Variants in TRIOBP observed in about 807,000 individuals in gnomAD.
TRIOBP encodes TRIO and F-actin-binding protein.
A neutral mutation model predicts 238.8 loss-of-function variants in TRIOBP; 169 were observed. The observed-to-expected ratio is 0.71, with a 90% CI of 0.62 to 0.80. The LOEUF is 0.80. TRIOBP is among the 30% of genes least tolerant of loss of function. The probability of loss-of-function intolerance (pLI) is 0.00; values close to 1 mark genes in which losing one functional copy is unlikely to be tolerated. For synonymous variants in TRIOBP, 1,150 were observed against 1,274.4 expected (o/e 0.90, Z 2.08); for missense variants, 2,838 against 3,122.6 (o/e 0.91, Z 2.17).
intron 18 of TRIOBP, 120 bp downstream of exon 18, chr22:37,765,937 G>C (rs1257162489): frequency 3.0e-6 from 4 of 1,327,788 alleles, no homozygotes; most frequent in Non-Finnish European, 4.0e-6. Flanking sequence ...GCCACATTTG[G>C]GGTAAAGGGT....
Position 37,735,348 on chromosome 22 carries a change from G to C in TRIOBP, c.5012G>C (p.Arg1671Thr). 6.2e-7 allele frequency: 1 copy of C among 1,613,152 alleles called. No homozygotes were observed. Among genetic ancestry groups the C allele is most frequent in the South Asian group, 1.1e-5 (1 of 91,068 alleles). The stretch of plus-strand genomic sequence containing the variant: ...CAGTGGCCAAAGATCAAAGTGACAA[G>C]AGGACCAGCGACCGCAACTCTGGCA... ...STQWPKIKVT[R>T]GPATATLAGL... Residue 1671 changes from arginine (R) to threonine (T), a missense_variant, in exon 9 of 24, where the codon AGA (arginine) becomes ACA (threonine). Arg to Thr is a moderately conservative substitution (Grantham distance 71). Transcript: ENST00000644935.
chr22:37,765,118 TA>T (rs1258327019), intron 17 of TRIOBP, among the ~76,000 whole-genome samples: 1 of 152,020 alleles, frequency 6.6e-6, no homozygotes, highest in East Asian at 1.9e-4. Flanking sequence ...CCATCTCTAC[TA>T]AAAATACAAA....
intron 9 of TRIOBP, among the ~76,000 whole-genome samples, chr22:37,737,522 G>A (rs13057056): frequency 2.6e-4 from 40 of 152,062 alleles, no homozygotes; most frequent in Non-Finnish European, 4.0e-4. Context: ...TTAGCCGGGC[G>A]TGGTGGCGGG....
chr22:37,758,281 C>A, intron 16 of TRIOBP, 143 bp downstream of exon 16: 2 of 1,099,480 alleles, frequency 1.8e-6, no homozygotes, highest in Non-Finnish European at 2.6e-6. Context: ...ACCCCACACT[C>A]CTGCGAACTA....
chr22:37,746,443 C>G, intron 11 of TRIOBP: 1 of 1,422,802 alleles, frequency 7.0e-7, no homozygotes, highest in African/African-American at 1.5e-5. Context: ...GTCAGCCGCC[C>G]GCGCCCGAGG....
intron 7 of TRIOBP, among the ~76,000 whole-genome samples, chr22:37,732,429 G>C (rs1218937034): frequency 1.4e-5 from 2 of 142,738 alleles, no homozygotes; most frequent in Non-Finnish European, 3.0e-5. Flanking sequence ...AGAATCACTT[G>C]AACCCGGGAG....
At chr22:37,756,500 A>G (rs1444547202) in intron 15 of TRIOBP, among the ~76,000 whole-genome samples, 1 of 152,246 alleles carries the variant, frequency 6.6e-6, no homozygotes, top group African/African-American at 2.4e-5. Context: ...GGATGTGCCC[A>G]GAGCACTTTG....
At chr22:37,709,914 A>G (rs1055147332) in intron 3 of TRIOBP, among the ~76,000 whole-genome samples, 6 of 152,264 alleles carry the variant, frequency 3.9e-5, no homozygotes, top group East Asian at 1.9e-4. Context: ...CTCTACCATC[A>G]AACTGCCTCT....
In TRIOBP at chr22:37,723,708, G is replaced by T. The variant is rs531468789; in HGVS notation, c.1152G>T (p.Gln384His). 6.2e-7 allele frequency: 1 copy of T among 1,611,868 alleles called. No homozygotes were observed. The highest frequency in any genetic ancestry group is 2.2e-5 in the East Asian group (1 of 44,720). Residue 384 changes from glutamine to histidine, a missense_variant, in exon 7 of 24, where the codon CAG (glutamine) becomes CAT (histidine). By Grantham distance (24) the Gln-to-His change is conservative. Around this residue, in one of 5 missense-constraint regions of TRIOBP, gnomAD observed 535 missense variants for 537.3 expected, o/e 1.00. Coordinates refer to ENST00000644935, the MANE Select transcript of TRIOBP (RefSeq NM_001039141.3). Reference protein sequence around the residue: ...QRENPRTPCVQQDDPRASSPN... With the variant: ...QRENPRTPCVHQDDPRASSPN... Reference sequence around the variant, plus strand: ...AAAACCCCAGGACACCCTGTGTCCAGCAGGACGATCCCAGAGCCTCCTCTC... The same window carrying T: ...AAAACCCCAGGACACCCTGTGTCCATCAGGACGATCCCAGAGCCTCCTCTC...
chr22:37,723,046 C>G (rs1182812743), intron 6 of TRIOBP, 139 bp from the exon 7 acceptor site: 1 of 804,582 alleles, frequency 1.2e-6, no homozygotes, highest in South Asian at 1.7e-5. Context: ...GGTGGAGTCA[C>G]TTGGTACAGA....
chr22:37,701,239 TG>T, intron 2 of TRIOBP, 66 bp from the exon 3 acceptor site: 1 of 733,340 alleles, frequency 1.4e-6, no homozygotes, highest in Non-Finnish European at 2.4e-6. Flanking sequence ...CTGGGGCAAC[TG>T]GGGCTGGGGT....
At chr22:37,699,258 C>T (rs1041725641) in intron 2 of TRIOBP, among the ~76,000 whole-genome samples, 2 of 151,992 alleles carry the variant, frequency 1.3e-5, no homozygotes, top group Admixed American at 1.3e-4. Context: ...TCAAAGACGT[C>T]GTCCTCAACT....
intron 11 of TRIOBP, among the ~76,000 whole-genome samples, chr22:37,744,116 C>T (rs1372784618): frequency 1.3e-5 from 2 of 150,592 alleles, no homozygotes; most frequent in Non-Finnish European, 2.9e-5. Context: ...TCCAGCGATT[C>T]TCCTGCCTCA....
chr22:37,738,085 G>C (rs113218477), intron 9 of TRIOBP, among the ~76,000 whole-genome samples: 205 of 152,318 alleles, frequency 1.3e-3, no homozygotes, highest in African/African-American at 4.5e-3. Flanking sequence ...AGGACACAGG[G>C]GTCAGTGGGT....
chr22:37,713,089 C>A, intron 4 of TRIOBP, 121 bp from the exon 5 acceptor site: 1 of 843,168 alleles, frequency 1.2e-6, no homozygotes, highest in Non-Finnish European at 1.8e-6. Context: ...TCACCATTGG[C>A]TCCCTTTCCC....
At chr22:37,743,206 T>G (rs984219558) in intron 11 of TRIOBP, among the ~76,000 whole-genome samples, 3 of 152,212 alleles carry the variant, frequency 2.0e-5, no homozygotes, top group African/African-American at 7.2e-5. Context: ...CAGCAGGGCC[T>G]CCCAGTTACA....
rs999446484 is a variant in TRIOBP at position 37,774,844 on chromosome 22, TGA to T, written c.*1072_*1073del. On this transcript the variant is annotated 3_prime_UTR_variant, in exon 24 of 24. Coordinates refer to ENST00000644935, the MANE Select transcript of TRIOBP (RefSeq NM_001039141.3). ...TGGAGTAGGGCCCAGGGCCCAGGCC[TGA>T]GAGAGAGGCCTGGGGCTAAGACTAG... The T allele has an allele frequency of 3.3e-5, 5 of 152,220 alleles. No homozygotes were observed. The highest frequency in any genetic ancestry group is 7.3e-5 in the Non-Finnish European group (5 of 68,044). The allele number at this position is 152,220 out of a possible 1,614,324, so 9.4% of individuals were successfully genotyped here.
At position 37,743,524 on chromosome 22, in the gene TRIOBP, G is replaced by A. The variant is rs1925044268; in HGVS notation, c.5322+2492G>A. ...TTCGAGCCGTGCTTACGGAGGATGTGCTGTGGGCTTAGGCCCTAGGCTGGT... is the reference window on the plus strand; with the variant it reads ...TTCGAGCCGTGCTTACGGAGGATGTACTGTGGGCTTAGGCCCTAGGCTGGT... On this transcript the variant is annotated intron_variant, in intron 11 of 23. Coordinates refer to ENST00000644935, the MANE Select transcript of TRIOBP (RefSeq NM_001039141.3). Among the ~76,000 whole-genome samples the A allele has an allele frequency of 2.0e-5, 3 of 152,218 alleles. No individual in the cohort carries two copies. The South Asian group carries it at 6.2e-4, about 32-fold the overall frequency.
In TRIOBP at chr22:37,751,229, A is replaced by G. The variant is rs567185877; in HGVS notation, c.5323-543A>G. ...GGGCTTGCCAGGACTGACCCTTCCC[A>G]AAGAGATCTAGGCGGGGACCAGAGG... is the stretch of plus-strand genomic sequence containing the variant. On this transcript the variant is annotated intron_variant, in intron 11 of 23. Coordinates refer to ENST00000644935, the MANE Select transcript of TRIOBP (RefSeq NM_001039141.3). 1.3e-4 allele frequency: 47 copies of G among 354,704 alleles called. 1 individual carries two copies. Among genetic ancestry groups the G allele is most frequent in the South Asian group, 7.4e-4 (33 of 44,502 alleles). 22.0% of individuals were successfully genotyped at this position (354,704 alleles called of 1,614,324 possible).
Sources: gnomAD v4.1 joint callset for allele counts (sites outside exome capture counted in the v4.1 genomes callset) on GRCh38, gnomAD v4.1.1 for gene constraint, gnomAD v4.1.1 regional missense constraint, MANE v1.5 for transcripts, NCBI Gene and HGNC (gene_info 2026-07-23, HGNC 2026-07-21) for gene names.